KCNIP1: variants seen among roughly 807,000 people sequenced by gnomAD.
The protein encoded by KCNIP1 is A-type potassium channel modulatory protein KCNIP1.
In KCNIP1, 18 loss-of-function variants were observed where a neutral mutation model predicts 33.0. The ratio of observed to expected loss-of-function variants is 0.55; its 90% CI spans 0.38 to 0.81. The LOEUF (loss-of-function observed/expected upper bound fraction) is 0.81. Among genes scored for constraint, KCNIP1 ranks in the 30% least tolerant of loss-of-function variants. The pLI is 0.00. For synonymous variants in KCNIP1, 93 were observed against 98.3 expected (o/e 0.95, Z 0.32); for missense variants, 238 against 271.6 (o/e 0.88, Z 0.87).
chr5:170,722,802 C>T lies in KCNIP1; in HGVS notation c.417C>T (p.Asp139=), dbSNP rs750371234. The T allele has an allele frequency of 1.8e-5, 29 of 1,611,578 alleles. No homozygotes were observed. The highest frequency in any genetic ancestry group is 1.7e-4 in the Admixed American group (10 of 59,956). Residue 139 remains aspartate (D), a synonymous_variant, in exon 5 of 8, where the codon GAC becomes GAT. Coordinates refer to ENST00000328939, the MANE Select transcript of KCNIP1 (RefSeq NM_014592.4). ...WTFNLYDINK[D]GYINKEEMMD... ...TTAATTTGTATGACATCAACAAGGA[C>T]GGATACATAAACAAAGAGGTAAGTG...
intron 1 of KCNIP1, among the ~76,000 whole-genome samples, chr5:170,670,408 G>T (rs1052829782): frequency 9.9e-5 from 15 of 152,162 alleles, no homozygotes; most frequent in African/African-American, 3.4e-4. Context: ...AGAAGTCAGG[G>T]CAAGAACTTA....
chr5:170,726,483 G>A (rs538961667), intron 5 of KCNIP1, among the ~76,000 whole-genome samples: 30 of 152,250 alleles, frequency 2.0e-4, no homozygotes, highest in African/African-American at 6.7e-4. Flanking sequence ...CCAAGCATTG[G>A]CAAAGATGTG....
intron 1 of KCNIP1, among the ~76,000 whole-genome samples, chr5:170,414,718 A>T (rs956097131): frequency 2.0e-5 from 3 of 152,244 alleles, no homozygotes; most frequent in African/African-American, 7.2e-5. Flanking sequence ...AGTTTCAGGA[A>T]CTTACAAAAT....
At chr5:170,665,824 T>C (rs1761681652) in intron 1 of KCNIP1, among the ~76,000 whole-genome samples, 1 of 152,206 alleles carries the variant, frequency 6.6e-6, no homozygotes, top group Admixed American at 6.5e-5. Flanking sequence ...AGAATGTCCC[T>C]CAACTGGGTC....
intron 1 of KCNIP1, among the ~76,000 whole-genome samples, chr5:170,675,553 G>A (rs549924056): frequency 1.4e-4 from 22 of 152,102 alleles, no homozygotes; most frequent in South Asian, 4.2e-4. Context: ...CCCAGGAGGC[G>A]GAGGTTGCAG....
chr5:170,712,772 C>T (rs574501613), intron 1 of KCNIP1: 11 of 1,309,510 alleles, frequency 8.4e-6, no homozygotes, highest in South Asian at 2.4e-5. Context: ...ACCCTCAGAG[C>T]GGCCTCTCTC....
At chr5:170,364,641 T>C (rs970386257) in intron 1 of KCNIP1, among the ~76,000 whole-genome samples, 2 of 152,116 alleles carry the variant, frequency 1.3e-5, no homozygotes, top group Admixed American at 1.3e-4. Flanking sequence ...TTCATTCAAA[T>C]CCCCTCCTGC....
Position 170,732,784 on chromosome 5 carries a change from T to C in KCNIP1, c.436-16T>C. 6.4e-7 allele frequency: 1 copy of C among 1,552,082 alleles called. No individual in the cohort carries two copies. Among genetic ancestry groups the C allele is most frequent in the Non-Finnish European group, 8.9e-7 (1 of 1,123,480 alleles). ...TCATGGTTTCCACACTGTGTGCTTT[T>C]ATGTCCCTGCTCCAGGAGATGATGG... On this transcript the variant is annotated splice_polypyrimidine_tract_variant and intron_variant, in intron 5 of 7. Coordinates refer to ENST00000328939, the MANE Select transcript of KCNIP1 (RefSeq NM_014592.4).
At chr5:170,468,926 T>C (rs773486019) in intron 1 of KCNIP1, among the ~76,000 whole-genome samples, 11 of 151,834 alleles carry the variant, frequency 7.2e-5, no homozygotes, top group East Asian at 1.9e-4. Context: ...TCAACCAGTA[T>C]GTAAGGAAAA....
At position 170,720,391 on chromosome 5, in the gene KCNIP1, G is replaced by A. The variant is rs775566531; in HGVS notation, c.256+1G>A. On this transcript the variant is annotated splice_donor_variant, in intron 3 of 7. Transcript: ENST00000328939. LOFTEE classifies it high-confidence loss of function. The stretch of plus-strand genomic sequence containing the variant: ...TATGCTCAGTTTTTCCCTCATGGAG[G>A]TGAGTCTGACCTTGAAATCTATCTT... 1 of 1,612,302 alleles carries A rather than the reference G, an allele frequency of 6.2e-7. No homozygotes were observed.
intron 1 of KCNIP1, among the ~76,000 whole-genome samples, chr5:170,587,375 T>C (rs1463907778): frequency 2.2e-5 from 3 of 138,574 alleles, no homozygotes; most frequent in Admixed American, 8.0e-5. Flanking sequence ...TGAGCCGAGA[T>C]TGTGCCATTG....
intron 5 of KCNIP1, among the ~76,000 whole-genome samples, chr5:170,726,213 T>A (rs1379875224): frequency 6.6e-6 from 1 of 152,174 alleles, no homozygotes; most frequent in African/African-American, 2.4e-5. Flanking sequence ...ACCAGATATA[T>A]AAAGATACCA....
rs760686464 is a variant in KCNIP1 at position 170,462,264 on chromosome 5, CA to C, written c.88+108321del. On this transcript the variant is annotated intron_variant, in intron 1 of 7. Transcript: ENST00000377360. ...TCTACAACAAACTCAAACAAATTAG[CA>C]AAAAAAAAAAAAAAAAAAAACTACC... Among the ~76,000 whole-genome samples, 284 of 52,040 alleles carry C rather than the reference CA, an allele frequency of 5.5e-3. 4 individuals are homozygous for C. The highest frequency in any genetic ancestry group is 0.032 in the East Asian group (40 of 1,232). 34.1% of individuals were successfully genotyped at this position (52,040 alleles called of 152,430 possible). A position where few individuals can be genotyped will look rare whatever the true frequency, so the allele number is the denominator to read the frequency against.
intron 1 of KCNIP1, among the ~76,000 whole-genome samples, chr5:170,411,493 G>A (rs1365141570): frequency 6.6e-6 from 1 of 152,212 alleles, no homozygotes; most frequent in Non-Finnish European, 1.5e-5. Flanking sequence ...CATGTGTATG[G>A]CAGTGGCTCT....
At chr5:170,544,833 T>G (rs1181338861) in intron 1 of KCNIP1, among the ~76,000 whole-genome samples, 1 of 152,220 alleles carries the variant, frequency 6.6e-6, no homozygotes, top group Non-Finnish European at 1.5e-5. Context: ...GTTAAACTCC[T>G]GTACCCACTT....
At chr5:170,577,410 T>C (rs1757639977) in intron 1 of KCNIP1, among the ~76,000 whole-genome samples, 1 of 152,214 alleles carries the variant, frequency 6.6e-6, no homozygotes, top group Non-Finnish European at 1.5e-5. Flanking sequence ...AATCCAGACT[T>C]CTGTTGCCTG....
intron 1 of KCNIP1, among the ~76,000 whole-genome samples, chr5:170,682,750 A>T (rs1253903455): frequency 2.7e-5 from 4 of 148,606 alleles, no homozygotes; most frequent in Non-Finnish European, 4.4e-5. Context: ...CTAAGATTGC[A>T]CATTAATGCA....
intron 1 of KCNIP1, among the ~76,000 whole-genome samples, chr5:170,425,246 G>C (rs1174461516): frequency 6.6e-6 from 1 of 152,184 alleles, no homozygotes; most frequent in East Asian, 1.9e-4. Context: ...AATGCTGACT[G>C]TAATGTAGTA....
exon 1 of KCNIP1, chr5:170,353,589 G>A (rs1007747700): frequency 6.4e-5 from 33 of 511,800 alleles, no homozygotes; most frequent in Middle Eastern, 5.2e-4. Context: ...CTTGTGCCCC[G>A]GCAGTGCTGT....
Sources: allele counts gnomAD v4.1 joint callset (sites outside exome capture counted in the v4.1 genomes callset), GRCh38; gene constraint gnomAD v4.1.1; transcripts MANE v1.5; gene names NCBI Gene and HGNC (gene_info 2026-07-23, HGNC 2026-07-21).